Variants in ERI1 observed in about 807,000 individuals in gnomAD.
ERI1 encodes the protein 3'-5' exoribonuclease 1.
Under a neutral mutation model 39.7 loss-of-function variants are expected in ERI1, and 39 were observed. The ratio of observed to expected loss-of-function variants is 0.98; its 90% confidence interval spans 0.76 to 1.28. The LOEUF (loss-of-function observed/expected upper bound fraction) is 1.28. Among genes scored for constraint, ERI1 ranks in the 50% most tolerant of loss-of-function variants. The pLI is 0.00. For missense variants in ERI1, 581 were observed against 416.9 expected (o/e 1.39, Z -3.43); for synonymous variants, 204 against 149.6 (o/e 1.36, Z -2.65).
intron 1 of ERI1, chr8:9,004,319 T>G: frequency 1.8e-6 from 2 of 1,100,684 alleles, no homozygotes; most frequent in Non-Finnish European, 1.1e-6. Flanking sequence ...TAAAATAAAT[T>G]TCGAAGTTTA....
At chr8:9,095,566 C>T (rs543984496) in intron 3 of ERI1, among the ~76,000 whole-genome samples, 7 of 152,044 alleles carry the variant, frequency 4.6e-5, no homozygotes, top group African/African-American at 1.7e-4. Context: ...AGTGCAGTAG[C>T]CTGATAATGG....
chr8:9,017,430 T>G (rs138740644), intron 4 of ERI1, among the ~76,000 whole-genome samples: 159 of 152,304 alleles, frequency 1.0e-3, no homozygotes, highest in African/African-American at 3.6e-3. Flanking sequence ...TCACTCCACG[T>G]GTATTTGAGT....
intron 3 of ERI1, among the ~76,000 whole-genome samples, chr8:9,015,112 C>T (rs1034554822): frequency 1.3e-5 from 2 of 152,192 alleles, no homozygotes; most frequent in Non-Finnish European, 2.9e-5. Flanking sequence ...GCTGGGATTA[C>T]AGGCATTAGT....
intron 1 of ERI1, among the ~76,000 whole-genome samples, chr8:9,007,445 A>G (rs1026300401): frequency 6.6e-6 from 1 of 152,168 alleles, no homozygotes; most frequent in African/African-American, 2.4e-5. Context: ...ATATTAGCAT[A>G]TTGTTTGTGA....
chr8:9,039,738 TA>T (rs2117341935), intron 3 of ERI1, among the ~76,000 whole-genome samples: 1 of 152,148 alleles, frequency 6.6e-6, no homozygotes, highest in Non-Finnish European at 1.5e-5. Context: ...GCTTTTCCTA[TA>T]GAATGTTATC....
chr8:9,007,377 C>T (rs1044831053), intron 1 of ERI1, among the ~76,000 whole-genome samples: 3 of 152,066 alleles, frequency 2.0e-5, no homozygotes, highest in African/African-American at 7.2e-5. Context: ...AAAAAATTAT[C>T]AGAAGTTATT....
intron 2 of ERI1, among the ~76,000 whole-genome samples, chr8:9,008,654 A>G (rs937992901): frequency 6.6e-6 from 1 of 152,228 alleles, no homozygotes; most frequent in African/African-American, 2.4e-5. Flanking sequence ...AAACAATGCA[A>G]CTTAGTCAAC....
intron 2 of ERI1, chr8:9,008,974 A>G: frequency 2.2e-6 from 1 of 456,230 alleles, no homozygotes; most frequent in South Asian, 1.5e-5. Context: ...GATTGTCTAC[A>G]TCATAATGTA....
chr8:9,036,600 C>T (rs993679058), downstream of ERI1, among the ~76,000 whole-genome samples: 1 of 152,104 alleles, frequency 6.6e-6, no homozygotes, highest in South Asian at 2.1e-4. Context: ...TGTGATACTC[C>T]CTTTATTGCA....
At chr8:9,036,257 A>G (rs536812046), downstream of ERI1, among the ~76,000 whole-genome samples, 2 of 152,356 alleles carry the variant, frequency 1.3e-5, no homozygotes, top group South Asian at 2.1e-4. Flanking sequence ...AAACAGCATG[A>G]TAAAGAGAAA....
rs573379387 is a variant in ERI1 at position 9,090,601 on chromosome 8, G to A, written n.300-25747G>A. Among the ~76,000 whole-genome samples, 21 of 152,244 alleles carry A rather than the reference G, an allele frequency of 1.4e-4. 1 individual carries two copies. The South Asian group carries it at 3.9e-3, about 29-fold the overall frequency. ...AATGGAAAAAGTTACACATGCACACGGTTAAAAGTTTAAATAGGACAAAAG... is the reference window on the plus strand; with the variant it reads ...AATGGAAAAAGTTACACATGCACACAGTTAAAAGTTTAAATAGGACAAAAG... On this transcript the variant is annotated intron_variant and non_coding_transcript_variant, in intron 3 of 3. Coordinates refer to the ERI1 transcript ENST00000518663.
chr8:9,004,483 T>C (rs1815743272), intron 1 of ERI1, among the ~76,000 whole-genome samples: 1 of 128,076 alleles, frequency 7.8e-6, no homozygotes, highest in Non-Finnish European at 1.6e-5. Context: ...TTTATAGTGA[T>C]ACTTTTTTTT....
intron 3 of ERI1, among the ~76,000 whole-genome samples, chr8:9,097,467 G>C (rs534479872): frequency 6.6e-6 from 1 of 152,014 alleles, no homozygotes; most frequent in Non-Finnish European, 1.5e-5. Context: ...GGCTGAGTTC[G>C]AGACCAGCCT....
Position 9,031,542 on chromosome 8 carries a change from A to G in ERI1, c.*1508A>G, listed in dbSNP as rs969779530. On this transcript the variant is annotated 3_prime_UTR_variant, in exon 7 of 7. Coordinates refer to ENST00000250263, the MANE Select transcript of ERI1 (RefSeq NM_153332.4). ...ATGCTGAGATGTTTGTGCATCCCAG[A>G]TAGCACTGTACAATAACCTGTAAAG... is the stretch of plus-strand genomic sequence containing the variant. The G allele has an allele frequency of 2.0e-5, 3 of 152,214 alleles. No individual in the cohort carries two copies. The highest frequency in any genetic ancestry group is 7.2e-5 in the African/African-American group (3 of 41,464). 9.4% of individuals were successfully genotyped at this position (152,214 alleles called of 1,614,324 possible). A position where few individuals can be genotyped will look rare whatever the true frequency, so the allele number is the denominator to read the frequency against.
chr8:9,017,588 G>C (rs1817443797), intron 4 of ERI1, among the ~76,000 whole-genome samples: 1 of 152,138 alleles, frequency 6.6e-6, no homozygotes, highest in African/African-American at 2.4e-5. Context: ...TATGACAGAG[G>C]GAATAGAAGA....
At chr8:9,028,522 A>G (rs2117293187) in intron 6 of ERI1, among the ~76,000 whole-genome samples, 1 of 152,360 alleles carries the variant, frequency 6.6e-6, no homozygotes, top group Non-Finnish European at 1.5e-5. Context: ...CATTTTACGG[A>G]TGAAGAAGCT....
At chr8:9,017,190 C>T (rs1397878041) in intron 4 of ERI1, among the ~76,000 whole-genome samples, 2 of 152,126 alleles carry the variant, frequency 1.3e-5, no homozygotes, top group Non-Finnish European at 2.9e-5. Flanking sequence ...TAGGCACACA[C>T]CACGATGATT....
At chr8:9,044,558 G>A (rs1488470269) in intron 3 of ERI1, among the ~76,000 whole-genome samples, 1 of 152,152 alleles carries the variant, frequency 6.6e-6, no homozygotes, top group Admixed American at 6.5e-5. Flanking sequence ...TGTGGCCAAA[G>A]TACACAGAGG....
downstream of ERI1, among the ~76,000 whole-genome samples, chr8:9,037,557 C>T (rs1362655557): frequency 6.6e-6 from 1 of 151,316 alleles, no homozygotes; most frequent in Non-Finnish European, 1.5e-5. Context: ...CAGGTTCTTA[C>T]TTGTATCTCA....
Sources: gnomAD v4.1 joint callset for allele counts (sites outside exome capture counted in the v4.1 genomes callset) on GRCh38, gnomAD v4.1.1 for gene constraint, MANE v1.5 for transcripts, NCBI Gene and HGNC (gene_info 2026-07-23, HGNC 2026-07-21) for gene names.